The following FBXL17 variants were observed in gnomAD, a reference collection of about 807,000 sequenced individuals.
FBXL17 encodes F-box/LRR-repeat protein 17.
FBXL17 carries 22 observed loss-of-function variants against 66.2 expected under a neutral mutation model. The ratio of observed to expected loss-of-function variants is 0.33; its 90% CI spans 0.24 to 0.47. The LOEUF (loss-of-function observed/expected upper bound fraction) is 0.47, where lower values mean the gene tolerates loss of function less well. Among genes scored for constraint, FBXL17 ranks in the 20% least tolerant of loss-of-function variants. FBXL17 has a pLI of 1.00. For synonymous variants in FBXL17, 474 were observed against 400.5 expected, an observed-to-expected ratio of 1.18 and a Z score of -2.19; for missense variants, 878 against 948.2, an observed-to-expected ratio of 0.93 and a Z score of 0.97.
intron 4 of FBXL17, among the ~76,000 whole-genome samples, chr5:108,233,896 T>A (rs1335054634): frequency 6.6e-6 from 1 of 152,066 alleles, no homozygotes; most frequent in African/African-American, 2.4e-5. Context: ...GAGGAGAATG[T>A]TGGTTCTCAT....
At chr5:108,253,022 C>T (rs1417596093) in intron 4 of FBXL17, among the ~76,000 whole-genome samples, 2 of 152,062 alleles carry the variant, frequency 1.3e-5, no homozygotes, top group Non-Finnish European at 2.9e-5. Context: ...CTGAGAGATT[C>T]CAAAGAACTG....
chr5:108,020,635 TG>T (rs1159951586), intron 7 of FBXL17, among the ~76,000 whole-genome samples: 1 of 151,874 alleles, frequency 6.6e-6, no homozygotes, highest in Non-Finnish European at 1.5e-5. Flanking sequence ...TTATTTTCAT[TG>T]TATACCTCTT....
intron 1 of FBXL17, among the ~76,000 whole-genome samples, chr5:108,378,909 G>C (rs749922361): frequency 2.3e-4 from 35 of 152,100 alleles, no homozygotes; most frequent in Admixed American, 9.8e-4. Flanking sequence ...AGCTCACTTC[G>C]TGCTGAATAC....
intron 4 of FBXL17, among the ~76,000 whole-genome samples, chr5:108,314,361 A>G (rs1580799219): frequency 6.6e-6 from 1 of 151,772 alleles, no homozygotes. Flanking sequence ...TATATTTACA[A>G]AGACTAGATA....
chr5:108,324,528 C>T (rs115979508), intron 4 of FBXL17, among the ~76,000 whole-genome samples: 2 of 152,086 alleles, frequency 1.3e-5, no homozygotes, highest in African/African-American at 2.4e-5. Context: ...AACAGTATGG[C>T]AGCTCCTAAA....
chr5:108,011,244 T>G (rs1030138450), intron 7 of FBXL17, among the ~76,000 whole-genome samples: 1 of 152,222 alleles, frequency 6.6e-6, no homozygotes, highest in Non-Finnish European at 1.5e-5. Context: ...CAACATCAGC[T>G]GGTGAGGACA....
intron 7 of FBXL17, among the ~76,000 whole-genome samples, chr5:107,935,875 G>T (rs1157550106): frequency 6.6e-6 from 1 of 152,106 alleles, no homozygotes; most frequent in Non-Finnish European, 1.5e-5. Context: ...GGTGGGGGAA[G>T]ACAGCAAACT....
intron 4 of FBXL17, among the ~76,000 whole-genome samples, chr5:108,241,027 G>A (rs544918127): frequency 6.6e-6 from 1 of 152,268 alleles, no homozygotes; most frequent in East Asian, 1.9e-4. Flanking sequence ...TCCCAAGAAG[G>A]ATGGGTATGA....
At chr5:108,374,093 C>A (rs559574076) in intron 1 of FBXL17, among the ~76,000 whole-genome samples, 1 of 152,172 alleles carries the variant, frequency 6.6e-6, no homozygotes, top group Non-Finnish European at 1.5e-5. Flanking sequence ...AAAAAGAGTT[C>A]CGCATTAATG....
intron 6 of FBXL17, among the ~76,000 whole-genome samples, chr5:108,153,495 T>A (rs1751849528): frequency 6.6e-6 from 1 of 152,172 alleles, no homozygotes; most frequent in Non-Finnish European, 1.5e-5. Flanking sequence ...AAACCTGATA[T>A]TAAATATTTG....
At chr5:108,009,709 TA>T (rs1447197518) in intron 7 of FBXL17, among the ~76,000 whole-genome samples, 2 of 152,142 alleles carry the variant, frequency 1.3e-5, no homozygotes, top group African/African-American at 4.8e-5. Context: ...ATATTTAAGT[TA>T]AAAGTAAGTT....
At position 108,197,188 on chromosome 5, in the gene FBXL17, C is replaced by T. The variant is rs1414642820; in HGVS notation, c.1615-10941G>A. Among the ~76,000 whole-genome samples the T allele has an allele frequency of 2.6e-5, 4 of 152,170 alleles. No homozygotes were observed. In the East Asian group the frequency reaches 5.8e-4, roughly 22 times the overall value. On this transcript the variant is annotated intron_variant, in intron 5 of 8. Coordinates refer to ENST00000542267, the MANE Select transcript of FBXL17 (RefSeq NM_001163315.3). ...CAAACAGCACTTAAAGTTAGCAGCG[C>T]TAAGCAGCCTTGTCACTTTTTTACC...
chr5:107,880,728 T>C (rs1748760831), intron 8 of FBXL17: 23 of 1,288,698 alleles, frequency 1.8e-5, no homozygotes, highest in Non-Finnish European at 2.2e-5. Context: ...GTTTGTCATG[T>C]AATCTTTTAC....
intron 4 of FBXL17, among the ~76,000 whole-genome samples, chr5:108,249,829 A>C (rs1756267447): frequency 2.0e-5 from 3 of 152,136 alleles, no homozygotes; most frequent in African/African-American, 7.2e-5. Flanking sequence ...CAAAATATGC[A>C]CACTAGGAAA....
At chr5:108,046,282 T>G (rs964240321) in intron 6 of FBXL17, among the ~76,000 whole-genome samples, 1 of 152,224 alleles carries the variant, frequency 6.6e-6, no homozygotes, top group African/African-American at 2.4e-5. Flanking sequence ...TTTTCTATGT[T>G]TGCATGATAT....
At chr5:108,050,884 G>GA (rs1747445512) in intron 6 of FBXL17, among the ~76,000 whole-genome samples, 1 of 146,506 alleles carries the variant, frequency 6.8e-6, no homozygotes, top group African/African-American at 2.4e-5. Context: ...AAATCAAATA[G>GA]AAAAAATGAT....
At chr5:107,876,187 G>A (rs548981928) in intron 8 of FBXL17, among the ~76,000 whole-genome samples, 2 of 152,320 alleles carry the variant, frequency 1.3e-5, no homozygotes, top group Non-Finnish European at 1.5e-5. Context: ...TAGGTAAACC[G>A]AGGCACACTT....
At chr5:107,907,006 T>C (rs1749783754) in intron 7 of FBXL17, among the ~76,000 whole-genome samples, 1 of 152,188 alleles carries the variant, frequency 6.6e-6, no homozygotes, top group Admixed American at 6.6e-5. Flanking sequence ...GAGTTAGAAA[T>C]ACAGTCAAAC....
At chr5:107,870,215 G>C (rs529397680) in intron 8 of FBXL17, among the ~76,000 whole-genome samples, 1 of 152,096 alleles carries the variant, frequency 6.6e-6, no homozygotes, top group Non-Finnish European at 1.5e-5. Flanking sequence ...TTCTGTTCTT[G>C]GGGATCTGAA....
Sources: gnomAD v4.1 joint callset for allele counts (sites outside exome capture counted in the v4.1 genomes callset) on GRCh38, gnomAD v4.1.1 for gene constraint, MANE v1.5 for transcripts, NCBI Gene and HGNC (gene_info 2026-07-23, HGNC 2026-07-21) for gene names.